Variants in UST observed in about 807,000 individuals in gnomAD.
UST encodes uronyl 2-sulfotransferase.
UST carries 21 observed loss-of-function variants against 45.6 expected under a neutral mutation model. That is an observed-to-expected ratio of 0.46 (90% CI 0.33 to 0.66). UST has a LOEUF of 0.66. UST is among the 30% of genes least tolerant of loss of function. The pLI is 0.02. For synonymous variants in UST, 215 were observed against 200.6 expected, an observed-to-expected ratio of 1.07 and a Z score of -0.61; for missense variants, 463 against 512.4, an observed-to-expected ratio of 0.90 and a Z score of 0.93.
At chr6:148,882,833 G>A (rs1246789993) in intron 1 of UST, among the ~76,000 whole-genome samples, 1 of 152,172 alleles carries the variant, frequency 6.6e-6, no homozygotes, top group Non-Finnish European at 1.5e-5. Flanking sequence ...ACTCAATAAA[G>A]GTTGTTATAC....
chr6:148,990,510 C>A, intron 5 of UST: 1 of 579,626 alleles, frequency 1.7e-6, no homozygotes, highest in Non-Finnish European at 2.2e-6. Flanking sequence ...AAATTACAAT[C>A]CCAGATATTC....
intron 4 of UST, among the ~76,000 whole-genome samples, chr6:148,956,535 T>G (rs908204886): frequency 6.6e-6 from 1 of 152,152 alleles, no homozygotes; most frequent in African/African-American, 2.4e-5. Context: ...GAATTACAGA[T>G]GTACAATTCA....
chr6:148,849,161 A>G (rs1310439983), intron 1 of UST, among the ~76,000 whole-genome samples: 1 of 152,182 alleles, frequency 6.6e-6, no homozygotes, highest in African/African-American at 2.4e-5. Flanking sequence ...CTTACATGCC[A>G]GTCTCCTCTG....
intron 1 of UST, among the ~76,000 whole-genome samples, chr6:148,784,985 G>A (rs1211563172): frequency 1.3e-5 from 2 of 152,172 alleles, no homozygotes; most frequent in Non-Finnish European, 2.9e-5. Context: ...TGAGGCAGCC[G>A]GATTGCCTGA....
chr6:149,014,438 CCAGA>C (rs1405747211), intron 5 of UST, among the ~76,000 whole-genome samples: 1 of 152,146 alleles, frequency 6.6e-6, no homozygotes, highest in African/African-American at 2.4e-5. Context: ...GGATGAGGTT[CCAGA>C]CAGACCCCAC....
chr6:148,978,848 A>ATTT (rs1781075661), intron 5 of UST, among the ~76,000 whole-genome samples: 1 of 152,032 alleles, frequency 6.6e-6, no homozygotes, highest in Admixed American at 6.6e-5. Flanking sequence ...AATTTTTTTA[A>ATTT]AAAAAAATTG....
chr6:148,886,899 A>G (rs1778921347), intron 1 of UST, 87 bp from the exon 2 acceptor site: 1 of 1,107,794 alleles, frequency 9.0e-7, no homozygotes, highest in African/African-American at 1.5e-5. Flanking sequence ...ATACTGTATA[A>G]CTAGAATGCT....
At chr6:148,927,524 A>C (rs1189595737) in intron 2 of UST, among the ~76,000 whole-genome samples, 1 of 152,186 alleles carries the variant, frequency 6.6e-6, no homozygotes, top group East Asian at 1.9e-4. Context: ...TAGACTTTGA[A>C]CAAGTTATTT....
At position 148,962,081 on chromosome 6, in the gene UST, T is replaced by C. The variant is rs374166645; in HGVS notation, c.528-2329T>C. Reference sequence around the variant, plus strand: ...ATTGCCTTCTGCAAAGGGGAAGATATATACAAGACACCTGTTTGTCATAGT... The same window carrying C: ...ATTGCCTTCTGCAAAGGGGAAGATACATACAAGACACCTGTTTGTCATAGT... On this transcript the variant is annotated intron_variant, in intron 4 of 7. Transcript: ENST00000367463. 1.1e-4 allele frequency among the ~76,000 whole-genome samples: 17 copies of C among 152,340 alleles called. No individual in the cohort carries two copies. The East Asian group carries it at 2.7e-3, about 24-fold the overall frequency.
chr6:148,933,911 A>G lies in UST; in HGVS notation c.292-7368A>G, dbSNP rs1302246649. Among the ~76,000 whole-genome samples the G allele has an allele frequency of 2.0e-5, 3 of 152,238 alleles. No individual in the cohort carries two copies. In the South Asian group the frequency reaches 6.2e-4, roughly 32 times the overall value. On this transcript the variant is annotated intron_variant, in intron 2 of 7. Coordinates refer to ENST00000367463, the MANE Select transcript of UST (RefSeq NM_005715.3). Reference sequence around the variant, plus strand: ...GTCCAAAATAAAACTGGGAACGCCTATGGAGTTGGAACCCATGTCATCAGC... The same window carrying G: ...GTCCAAAATAAAACTGGGAACGCCTGTGGAGTTGGAACCCATGTCATCAGC...
In UST at chr6:148,820,968, C is replaced by CTT. The variant is rs71007920; in HGVS notation, c.248-66000_248-65999dup. On this transcript the variant is annotated intron_variant, in intron 1 of 7. Coordinates refer to ENST00000367463, the MANE Select transcript of UST (RefSeq NM_005715.3). ...GTCATGTAGTATTTTTTTTTAATTC[C>CTT]TTTTTTTTTTTTTTTTTTTGAGACG... Among the ~76,000 whole-genome samples the CTT allele has an allele frequency of 8.8e-3, 803 of 91,226 alleles. 65 individuals are homozygous for CTT. Among genetic ancestry groups the CTT allele is most frequent in the East Asian group, 0.015 (40 of 2,634 alleles). The allele number at this position is 91,226 out of a possible 152,430, so 59.8% of individuals were successfully genotyped here.
intron 5 of UST, among the ~76,000 whole-genome samples, chr6:148,986,144 G>T (rs1373519788): frequency 1.2e-4 from 18 of 152,200 alleles, no homozygotes. Flanking sequence ...ACTAGTCACT[G>T]CCTGATATTA....
At position 148,861,759 on chromosome 6, in the gene UST, A is replaced by G. The variant is rs1166451883; in HGVS notation, c.248-25227A>G. Among the ~76,000 whole-genome samples, 6 of 152,196 alleles carry G rather than the reference A, an allele frequency of 3.9e-5. No homozygotes were observed. In the East Asian group the frequency reaches 1.2e-3, roughly 29 times the overall value. ...TCTGCCTTCATTTCATTATGTACCC[A>G]GTAGTCATTCAGGAGCAGGTCATTC... On this transcript the variant is annotated intron_variant, in intron 1 of 7. Coordinates refer to ENST00000367463, the MANE Select transcript of UST (RefSeq NM_005715.3).
chr6:148,883,774 A>C lies in UST; in HGVS notation c.248-3212A>C, dbSNP rs139581971. ...TAAATTATGAGATGGACTTCTGCAC[A>C]ATGTGTGTCCTCTAAAATAGGTCTT... On this transcript the variant is annotated intron_variant, in intron 1 of 7. Transcript: ENST00000367463. Among the ~76,000 whole-genome samples the C allele has an allele frequency of 1.1e-3, 174 of 152,306 alleles. 1 individual carries two copies. Among genetic ancestry groups the C allele is most frequent in the African/African-American group, 3.8e-3 (160 of 41,566 alleles).
At chr6:149,071,643 C>A (rs1200428573) in intron 7 of UST, among the ~76,000 whole-genome samples, 2 of 151,978 alleles carry the variant, frequency 1.3e-5, no homozygotes, top group Non-Finnish European at 2.9e-5. Context: ...AAATTAAAAA[C>A]TTTTATGCAT....
intron 1 of UST, among the ~76,000 whole-genome samples, chr6:148,762,486 G>C (rs1273655565): frequency 6.6e-6 from 1 of 151,420 alleles, no homozygotes; most frequent in Non-Finnish European, 1.5e-5. Context: ...TCCTAGCGTG[G>C]TCAGGAGAAA....
intron 2 of UST, among the ~76,000 whole-genome samples, chr6:148,906,165 T>C (rs1251079165): frequency 6.7e-6 from 1 of 148,592 alleles, no homozygotes; most frequent in Non-Finnish European, 1.5e-5. Context: ...ACAGGTGATT[T>C]GGAGAGGTGG....
intron 1 of UST, among the ~76,000 whole-genome samples, chr6:148,865,239 C>T (rs2114806403): frequency 6.6e-6 from 1 of 152,246 alleles, no homozygotes; most frequent in Non-Finnish European, 1.5e-5. Context: ...GCGTGTTGGT[C>T]ATTTTTGTGA....
At chr6:148,809,728 T>A (rs1274961625) in intron 1 of UST, among the ~76,000 whole-genome samples, 2 of 152,234 alleles carry the variant, frequency 1.3e-5, no homozygotes, top group African/African-American at 2.4e-5. Flanking sequence ...GCCATTCATG[T>A]ACATACCCAT....
Sources: gnomAD v4.1 joint callset for allele counts (sites outside exome capture counted in the v4.1 genomes callset) on GRCh38, gnomAD v4.1.1 for gene constraint, MANE v1.5 for transcripts, NCBI Gene and HGNC (gene_info 2026-07-23, HGNC 2026-07-21) for gene names.